The following WDR62 variants were observed in gnomAD, a reference collection of about 807,000 sequenced individuals.
WDR62 encodes WD repeat domain 62, also known as WD repeat-containing protein 62.
Under a neutral mutation model 160.6 loss-of-function variants are expected in WDR62, and 112 were observed. That is an observed-to-expected ratio of 0.70 (90% CI 0.60 to 0.82). WDR62 has a LOEUF of 0.82. Ranked by LOEUF, WDR62 falls within the 40% of genes least tolerant of loss-of-function variation. WDR62 has a pLI of 0.00. For synonymous variants in WDR62, 792 were observed against 815.1 expected (o/e 0.97, Z 0.48); for missense variants, 1,819 against 1,983.8 (o/e 0.92, Z 1.58).
chr19:36,100,641 C>T lies in WDR62; in HGVS notation c.2740-107C>T, dbSNP rs530317612. The T allele has an allele frequency of 1.9e-5, 29 of 1,542,032 alleles. No homozygotes were observed. In the South Asian group the frequency reaches 3.1e-4, roughly 17 times the overall value. ...TTGCGAGTGGAGGGCATGGCACAGG[C>T]CCTGGTTCACAGCCTCCAGCAGTGG... On this transcript the variant is annotated intron_variant, in intron 22 of 31. Coordinates refer to ENST00000401500, the MANE Select transcript of WDR62 (RefSeq NM_001083961.2).
chr19:36,065,175 C>T (rs1970868503), intron 3 of WDR62, among the ~76,000 whole-genome samples: 1 of 152,176 alleles, frequency 6.6e-6, no homozygotes, highest in Non-Finnish European at 1.5e-5. Context: ...AGGCAGCTTG[C>T]CCTGTTTGTT....
intron 3 of WDR62, chr19:36,062,663 A>G (rs539429002): frequency 2.0e-5 from 3 of 151,286 alleles, no homozygotes; most frequent in African/African-American, 7.3e-5. Flanking sequence ...AAAAAAAAAA[A>G]AAAAAAAAAA....
At position 36,103,394 on chromosome 19, in the gene WDR62, CCA is replaced by C; in HGVS notation, c.3569_3570del (p.Thr1190ArgfsTer46). 3.1e-6 allele frequency: 5 copies of C among 1,614,144 alleles called. No individual in the cohort carries two copies. The South Asian group carries it at 4.4e-5, about 14-fold the overall frequency. The stretch of plus-strand genomic sequence containing the variant: ...TGTGTCCCTGCTTCCTCCGTGCTGC[CCA>C]CAGACAGGAATCTCCCAACGCCCAC... On this transcript the variant is annotated frameshift_variant, in exon 30 of 32. Coordinates refer to ENST00000401500, the MANE Select transcript of WDR62 (RefSeq NM_001083961.2). LOFTEE classifies it high-confidence loss of function.
chr19:36,055,142 G>T lies in WDR62; in HGVS notation c.171G>T (p.Gln57His), dbSNP rs533984494. Reference sequence around the variant, plus strand: ...CGACGGCCTCCGAGGAGACGGTGCAGAACCGGGTGAGAAGCTGCTCGCCAT... The same window carrying T: ...CGACGGCCTCCGAGGAGACGGTGCATAACCGGGTGAGAAGCTGCTCGCCAT... Reference protein sequence around the residue: ...RLSTASEETVQNRVSLEKVLG... With the variant: ...RLSTASEETVHNRVSLEKVLG... Residue 57 changes from glutamine to histidine, a missense_variant, in exon 1 of 32, where the codon CAG becomes CAT. Physicochemically the swap from Gln to His is conservative, Grantham distance 24. Transcript: ENST00000401500. 1 of 1,607,962 alleles carries T rather than the reference G, an allele frequency of 6.2e-7. No homozygotes were observed. Among genetic ancestry groups the T allele is most frequent in the East Asian group, 2.2e-5 (1 of 44,548 alleles).
rs773899700 is a variant in WDR62 at position 36,086,754 on chromosome 19, C to CAT, written c.1711_1712insTA (p.Asn571IlefsTer27). ...ATGTGCTGAACGTGGAGAAGAACTA[C>CAT]AACCTGGAGCAGACGCTGGATGACC... On this transcript the variant is annotated frameshift_variant, in exon 13 of 32. Coordinates refer to ENST00000401500, the MANE Select transcript of WDR62 (RefSeq NM_001083961.2). LOFTEE classifies it high-confidence loss of function. The CAT allele has an allele frequency of 1.2e-6, 2 of 1,608,088 alleles. No individual in the cohort carries two copies. The highest frequency in any genetic ancestry group is 1.7e-6 in the Non-Finnish European group (2 of 1,176,880).
At chr19:36,096,902 C>T in intron 20 of WDR62, 125 bp from the exon 21 acceptor site, 1 of 829,416 alleles carries the variant, frequency 1.2e-6, no homozygotes, top group South Asian at 1.4e-5. Context: ...TTCCCTAACC[C>T]CCGGTGCTGT....
chr19:36,055,994 G>C (rs1006196376), intron 1 of WDR62, among the ~76,000 whole-genome samples: 28 of 152,058 alleles, frequency 1.8e-4, no homozygotes, highest in African/African-American at 6.8e-4. Context: ...GGTGAAACCC[G>C]TCTCTACAAA....
At chr19:36,079,775 A>G (rs753328596) in intron 9 of WDR62, among the ~76,000 whole-genome samples, 6 of 152,170 alleles carry the variant, frequency 3.9e-5, no homozygotes, top group Non-Finnish European at 8.8e-5. Flanking sequence ...GATGATATGT[A>G]GGTCTTGTGA....
intron 9 of WDR62, 67 bp from the exon 10 acceptor site, chr19:36,081,365 GA>G (rs1971886537): frequency 6.9e-7 from 1 of 1,456,916 alleles, no homozygotes; most frequent in Admixed American, 1.8e-5. Flanking sequence ...TTTTTTCCAT[GA>G]AAATGCAACA....
rs539658373 is a variant in WDR62, at chr19:36,072,322, G to A, written c.1043+606G>A. Among the ~76,000 whole-genome samples the A allele has an allele frequency of 3.9e-5, 6 of 152,258 alleles. No individual in the cohort carries two copies. The South Asian group carries it at 8.3e-4, about 21-fold the overall frequency. On this transcript the variant is annotated intron_variant, in intron 8 of 31. Coordinates refer to ENST00000401500, the MANE Select transcript of WDR62 (RefSeq NM_001083961.2). ...GGTGACAGCACACTGGGCTTGTTACGTTGCAGGAATAGTAAGGGACTGTGT... is the reference window on the plus strand; with the variant it reads ...GGTGACAGCACACTGGGCTTGTTACATTGCAGGAATAGTAAGGGACTGTGT...
At chr19:36,099,138 C>T (rs1599837294) in intron 21 of WDR62, among the ~76,000 whole-genome samples, 1 of 144,874 alleles carries the variant, frequency 6.9e-6, no homozygotes, top group African/African-American at 2.6e-5. Flanking sequence ...AGGAGAATTG[C>T]TTGAAACTGA....
Position 36,086,320 on chromosome 19 carries a change from G to C in WDR62, c.1643-367G>C, listed in dbSNP as rs1028388926. Reference sequence around the variant, plus strand: ...GGTAGCCAGACCTCAGAGGGTGAGAGGACACTGGTTTTGGAAGAGGCTGAG... The same window carrying C: ...GGTAGCCAGACCTCAGAGGGTGAGACGACACTGGTTTTGGAAGAGGCTGAG... On this transcript the variant is annotated intron_variant, in intron 12 of 31. Coordinates refer to ENST00000401500, the MANE Select transcript of WDR62 (RefSeq NM_001083961.2). Among the ~76,000 whole-genome samples, 4 of 152,120 alleles carry C rather than the reference G, an allele frequency of 2.6e-5. 1 individual carries two copies. The highest frequency in any genetic ancestry group is 2.6e-4 in the Admixed American group (4 of 15,268).
At position 36,067,864 on chromosome 19, in the gene WDR62, A is replaced by T; in HGVS notation, c.736A>T (p.Ile246Phe). 12 of 1,614,180 alleles carry T rather than the reference A, an allele frequency of 7.4e-6. No individual in the cohort carries two copies. The highest frequency in any genetic ancestry group is 1.0e-5 in the Non-Finnish European group (12 of 1,180,038). Residue 246 changes from isoleucine to phenylalanine, a missense_variant, in exon 7 of 32, where the codon ATC becomes TTC. This residue lies in a region of WDR62 where 934 missense variants were observed against 1,157.2 expected (regional missense o/e 0.81). Transcript: ENST00000401500. ...AGTGCCCCTTGTAGGGCGCTCGGGC[A>T]TCCTGGGCGAGCTGCACAACAACAT... The part of the protein sequence containing the change: ...STVPLVGRSG[I>F]LGELHNNIFC...
At chr19:36,061,287 C>G (rs1970633195) in intron 3 of WDR62, 1 of 152,192 alleles carries the variant, frequency 6.6e-6, no homozygotes, top group Non-Finnish European at 1.5e-5. Context: ...CGTCTATTCA[C>G]TGTGGAATCT....
chr19:36,080,490 G>A lies in WDR62; in HGVS notation c.1234-943G>A, dbSNP rs1462767729. Among the ~76,000 whole-genome samples the A allele has an allele frequency of 3.3e-5, 5 of 150,926 alleles. No homozygotes were observed. The South Asian group carries it at 6.3e-4, about 19-fold the overall frequency. ...TACCCAGACTGGAGTGCAATGGCGC[G>A]ATCTTGGCTCACTGCAACCTCCGCC... On this transcript the variant is annotated intron_variant, in intron 9 of 31. Transcript: ENST00000401500.
In WDR62 at chr19:36,089,734, G is replaced by A. The variant is rs573400118; in HGVS notation, c.1958+428G>A. On this transcript the variant is annotated intron_variant, in intron 15 of 31. Coordinates refer to ENST00000401500, the MANE Select transcript of WDR62 (RefSeq NM_001083961.2). ...GCTGGGATTACAGGCGTGAGCCACC[G>A]TGCCCGGCCACCAGCAGGTATTTCT... is the stretch of plus-strand genomic sequence containing the variant. Among the ~76,000 whole-genome samples the A allele has an allele frequency of 4.7e-4, 72 of 152,300 alleles. 1 individual carries two copies. Among genetic ancestry groups the A allele is most frequent in the Non-Finnish European group, 3.7e-4 (25 of 68,022 alleles).
At chr19:36,084,447 G>A (rs1041782473) in intron 11 of WDR62, among the ~76,000 whole-genome samples, 17 of 152,176 alleles carry the variant, frequency 1.1e-4, no homozygotes, top group Non-Finnish European at 2.4e-4. Flanking sequence ...AGGGGCTGCT[G>A]CCTGCTGAGG....
intron 9 of WDR62, among the ~76,000 whole-genome samples, chr19:36,078,841 A>C (rs1033290950): frequency 2.0e-5 from 3 of 151,440 alleles, no homozygotes; most frequent in Admixed American, 6.6e-5. Context: ...GTCAAAAAAA[A>C]AAAAAAAAAC....
In WDR62 at chr19:36,058,854, T is replaced by C. The variant is rs370908834; in HGVS notation, c.252T>C (p.His84=). 6 of 1,614,106 alleles carry C rather than the reference T, an allele frequency of 3.7e-6. No individual in the cohort carries two copies. In the South Asian group the frequency reaches 6.6e-5, roughly 18 times the overall value. Residue 84 remains histidine (H), a synonymous_variant, in exon 2 of 32, where the codon CAT becomes CAC. Transcript: ENST00000401500. Reference sequence around the variant, plus strand: ...TAACCTGTGACCCCGGCACAGGCCATGTGGCCTACCTGGCAGGGTAAGCAG... The same window carrying C: ...TAACCTGTGACCCCGGCACAGGCCACGTGGCCTACCTGGCAGGGTAAGCAG... ...SGLTCDPGTG[H]VAYLAGCVVV...
Sources: allele counts gnomAD v4.1 joint callset (sites outside exome capture counted in the v4.1 genomes callset), GRCh38; gene constraint gnomAD v4.1.1; regional missense constraint gnomAD v4.1.1; transcripts MANE v1.5; gene names NCBI Gene and HGNC (gene_info 2026-07-23, HGNC 2026-07-21).